AKAP12: variants seen among roughly 807,000 people sequenced by gnomAD.
The protein encoded by AKAP12 is A-kinase anchoring protein 12.
Under a neutral mutation model 79.9 loss-of-function variants are expected in AKAP12, and 32 were observed. The observed-to-expected ratio is 0.40, with a 90% CI of 0.30 to 0.54. AKAP12 has a LOEUF of 0.54. AKAP12 is among the 20% of genes least tolerant of loss of function. The pLI is 0.48. For synonymous variants in AKAP12, 808 were observed against 857.0 expected (o/e 0.94, Z 1.00); for missense variants, 2,074 against 2,177.0 (o/e 0.95, Z 0.94).
chr6:151,302,583 G>T (rs575067865), intron 2 of AKAP12, among the ~76,000 whole-genome samples: 2 of 151,698 alleles, frequency 1.3e-5, no homozygotes, highest in African/African-American at 2.4e-5. Flanking sequence ...AGGATTATAA[G>T]AATTTTTTCA....
Position 151,240,415 on chromosome 6 carries a change from C to A in AKAP12, c.-148C>A. ...GCCGCGAGCGCGTCTCCTTCATTCG[C>A]AGGCTGGGCGCGTTCGCAGTCGGCT... On this transcript the variant is annotated 5_prime_UTR_variant, in exon 2 of 5. Transcript: ENST00000402676. The A allele has an allele frequency of 2.4e-6, 2 of 821,902 alleles. No homozygotes were observed. Among genetic ancestry groups the A allele is most frequent in the Non-Finnish European group, 3.3e-6 (2 of 604,542 alleles). The allele number at this position is 821,902 out of a possible 1,614,324, so 50.9% of individuals were successfully genotyped here. A position where few individuals can be genotyped will look rare whatever the true frequency, so the allele number is the denominator to read the frequency against.
chr6:151,340,880 C>T lies in AKAP12; in HGVS notation c.320-7831C>T, dbSNP rs957784420. On this transcript the variant is annotated intron_variant, in intron 3 of 4. Coordinates refer to ENST00000402676, the MANE Select transcript of AKAP12 (RefSeq NM_005100.4). The stretch of plus-strand genomic sequence containing the variant: ...TTCCTCGTGATTAGATGCCGTTAAA[C>T]ATTTTGATCAGCAGAGCTGCAAAGA... 2.0e-5 allele frequency among the ~76,000 whole-genome samples: 3 copies of T among 152,280 alleles called. No homozygotes were observed. The South Asian group carries it at 6.2e-4, about 32-fold the overall frequency.
rs1249134204 is a variant in AKAP12 at position 151,322,683 on chromosome 6, G to GCCCACTCCCGCCACTGGGCGTGTCCACCA, written c.319+16818_319+16846dup. Among the ~76,000 whole-genome samples the GCCCACTCCCGCCACTGGGCGTGTCCACCA allele has an allele frequency of 4.9e-3, 693 of 140,098 alleles. 5 individuals are homozygous for GCCCACTCCCGCCACTGGGCGTGTCCACCA. Among genetic ancestry groups the GCCCACTCCCGCCACTGGGCGTGTCCACCA allele is most frequent in the African/African-American group, 0.013 (404 of 30,894 alleles). 91.9% of individuals were successfully genotyped at this position (140,098 alleles called of 152,430 possible). A position where few individuals can be genotyped will look rare whatever the true frequency, so the allele number is the denominator to read the frequency against. ...CTCAGAGGTGAGCCAAACTAGAGCT[G>GCCCACTCCCGCCACTGGGCGTGTCCACCA]CCCACTCCCGCCACTGGGCGTGTCC... On this transcript the variant is annotated intron_variant, in intron 3 of 4. Transcript: ENST00000402676.
In AKAP12 at chr6:151,352,372, G is replaced by A. The variant is rs780777548; in HGVS notation, c.3981G>A (p.Lys1327=). 14 of 1,614,074 alleles carry A rather than the reference G, an allele frequency of 8.7e-6. No individual in the cohort carries two copies. Among genetic ancestry groups the A allele is most frequent in the Non-Finnish European group, 1.2e-5 (14 of 1,180,048 alleles). ...CTCTTGAACTGCAGAGTCACGCTAA[G>A]TCTCCTCCATCCCCCGTGGAGAGAG... The part of the protein sequence containing the change: ...DDALELQSHA[K]SPPSPVEREM... The change falls in exon 4 of 5, where the codon AAG becomes AAA. Residue 1327 remains lysine (K), a synonymous_variant. Transcript: ENST00000402676.
chr6:151,346,104 T>G (rs1276271475), intron 3 of AKAP12, among the ~76,000 whole-genome samples: 1 of 152,162 alleles, frequency 6.6e-6, no homozygotes, highest in Non-Finnish European at 1.5e-5. Flanking sequence ...ACTCAGTATT[T>G]TCCAAGAAGA....
chr6:151,349,376 G>A lies in AKAP12; in HGVS notation c.985G>A (p.Glu329Lys), dbSNP rs1321456441. 6.2e-7 allele frequency: 1 copy of A among 1,613,926 alleles called. No individual in the cohort carries two copies. The highest frequency in any genetic ancestry group is 8.5e-7 in the Non-Finnish European group (1 of 1,179,962). Residue 329 changes from glutamate (E) to lysine (K), a missense_variant, in exon 4 of 5, where the codon GAA becomes AAA. This residue lies in a region of AKAP12 where 1,428 missense variants were observed against 1,451.0 expected (regional missense o/e 0.98). Coordinates refer to ENST00000402676, the MANE Select transcript of AKAP12 (RefSeq NM_005100.4). ...DEVEASEKKK[E>K]QEPEKVDTEE... The stretch of plus-strand genomic sequence containing the variant: ...AGTGGAAGCTTCAGAGAAGAAAAAG[G>A]AACAAGAGCCAGAAAAAGTAGACAC...
intron 2 of AKAP12, among the ~76,000 whole-genome samples, chr6:151,273,524 T>C (rs908103867): frequency 1.8e-4 from 27 of 152,352 alleles, no homozygotes; most frequent in African/African-American, 6.5e-4. Context: ...TTCTTCCATA[T>C]AGGTGAGCTT....
At chr6:151,325,039 A>C (rs1466704009) in intron 3 of AKAP12, 18 of 985,476 alleles carry the variant, frequency 1.8e-5, no homozygotes, top group Non-Finnish European at 2.0e-5. Context: ...CTGCTTTTGA[A>C]AAGTTGCCTT....
intron 2 of AKAP12, among the ~76,000 whole-genome samples, chr6:151,295,491 C>G (rs1776705626): frequency 6.6e-6 from 1 of 152,164 alleles, no homozygotes; most frequent in African/African-American, 2.4e-5. Context: ...ATACCCCTCA[C>G]CAAGCAGCAC....
At chr6:151,348,682 C>CG in intron 3 of AKAP12, 29 bp from the exon 4 acceptor site, 4 of 198,918 alleles carry the variant, frequency 2.0e-5, no homozygotes, top group South Asian at 5.6e-5. Context: ...TTCTCTTCTC[C>CG]CCACCCCCCC....
intron 2 of AKAP12, among the ~76,000 whole-genome samples, chr6:151,269,655 C>T (rs865943250): frequency 1.3e-5 from 2 of 152,194 alleles, no homozygotes; most frequent in South Asian, 2.1e-4. Context: ...GAGCACTCTT[C>T]CTCTGAGATA....
chr6:151,347,388 A>G (rs1300428267), intron 3 of AKAP12, among the ~76,000 whole-genome samples: 3 of 152,166 alleles, frequency 2.0e-5, no homozygotes, highest in African/African-American at 7.2e-5. Flanking sequence ...CTCAAACCCT[A>G]TATTTCCTGT....
chr6:151,297,438 T>C (rs1776759513), intron 2 of AKAP12, among the ~76,000 whole-genome samples: 2 of 151,862 alleles, frequency 1.3e-5, no homozygotes, highest in South Asian at 4.2e-4. Context: ...CCGGGTGTGG[T>C]GGTGCGCACC....
Position 151,352,537 on chromosome 6 carries a change from C to G in AKAP12, c.4146C>G (p.Ile1382Met), listed in dbSNP as rs748242869. The change falls in exon 4 of 5, where the codon ATC becomes ATG. Residue 1382 changes from isoleucine to methionine, a missense_variant. Physicochemically the swap from Ile to Met is conservative, Grantham distance 10. Coordinates refer to ENST00000402676, the MANE Select transcript of AKAP12 (RefSeq NM_005100.4). Reference sequence around the variant, plus strand: ...TCCTCCAGACAGTGAATGTGCCCATCATAGATGGGGCAAAGGAAGTCAGCA... The same window carrying G: ...TCCTCCAGACAGTGAATGTGCCCATGATAGATGGGGCAAAGGAAGTCAGCA... ...KQLLQTVNVP[I>M]IDGAKEVSSL... The G allele has an allele frequency of 3.1e-6, 5 of 1,614,146 alleles. No individual in the cohort carries two copies. The highest frequency in any genetic ancestry group is 4.2e-6 in the Non-Finnish European group (5 of 1,180,026).
chr6:151,345,895 A>ATGTGTGTGTGTGTG (rs367643775), intron 3 of AKAP12, among the ~76,000 whole-genome samples: 6 of 128,876 alleles, frequency 4.7e-5, no homozygotes, highest in African/African-American at 1.9e-4. Flanking sequence ...GTGTGTGTAT[A>ATGTGTGTGTGTGTG]TGTGTGTGTG....
chr6:151,343,993 C>T (rs766901601), intron 3 of AKAP12: 8 of 433,662 alleles, frequency 1.8e-5, no homozygotes, highest in Middle Eastern at 7.1e-4. Flanking sequence ...TTTAAATCGT[C>T]GATGTCTGGA....
chr6:151,264,449 T>C (rs1797507564), intron 2 of AKAP12, among the ~76,000 whole-genome samples: 1 of 149,182 alleles, frequency 6.7e-6, no homozygotes, highest in Non-Finnish European at 1.5e-5. Flanking sequence ...GGTGGGTGGA[T>C]CACCTGAGGT....
In AKAP12 at chr6:151,348,842, T is replaced by C. The variant is rs763586565; in HGVS notation, c.451T>C (p.Ser151Pro). The C allele has an allele frequency of 1.2e-5, 20 of 1,614,028 alleles. No homozygotes were observed. The highest frequency in any genetic ancestry group is 1.5e-5 in the Non-Finnish European group (18 of 1,180,042). The change falls in exon 4 of 5, where the codon TCT becomes CCT. Residue 151 changes from serine to proline, a missense_variant. Transcript: ENST00000402676. ...ACCCGAAATAATCGAACAGATTCCT[T>C]CTTCAGAAAGCAATTTAGAAGAGCT... ...ETPEIIEQIPSSESNLEELTQ... is the reference protein window; with the variant it reads ...ETPEIIEQIPPSESNLEELTQ...
chr6:151,262,720 T>A (rs937747289), intron 2 of AKAP12, among the ~76,000 whole-genome samples: 1 of 152,064 alleles, frequency 6.6e-6, no homozygotes, highest in African/African-American at 2.4e-5. Flanking sequence ...TCTTCTTCCC[T>A]CCCCACCCCC....
Sources: allele counts gnomAD v4.1 joint callset (sites outside exome capture counted in the v4.1 genomes callset), GRCh38; gene constraint gnomAD v4.1.1; regional missense constraint gnomAD v4.1.1; transcripts MANE v1.5; gene names NCBI Gene and HGNC (gene_info 2026-07-23, HGNC 2026-07-21).